PIK3C2A: variants seen among roughly 807,000 people sequenced by gnomAD.
PIK3C2A encodes phosphatidylinositol-4-phosphate 3-kinase catalytic subunit type 2 alpha.
Under a neutral mutation model 204.5 loss-of-function variants are expected in PIK3C2A, and 97 were observed. The observed-to-expected ratio is 0.47, with a 90% confidence interval of 0.40 to 0.56. The LOEUF (loss-of-function observed/expected upper bound fraction) is 0.56, where lower values mean the gene tolerates loss of function less well. Ranked by LOEUF, PIK3C2A falls within the 20% of genes least tolerant of loss-of-function variation. The probability of loss-of-function intolerance (pLI) is 0.00; values close to 1 mark genes in which losing one functional copy is unlikely to be tolerated. For synonymous variants in PIK3C2A, 653 were observed against 664.4 expected (o/e 0.98, Z 0.26); for missense variants, 1,735 against 1,969.2 (o/e 0.88, Z 2.25).
chr11:17,166,721 C>T lies in PIK3C2A; in HGVS notation c.1065+1956G>A, dbSNP rs189571134. On this transcript the variant is annotated intron_variant, in intron 2 of 32. Transcript: ENST00000691414. ...GACTAACTTATCAGAGCCCCAATGT[C>T]TGTCTCCAGGTTCAAGGCAGTTGCC... Among the ~76,000 whole-genome samples, 7 of 152,314 alleles carry T rather than the reference C, an allele frequency of 4.6e-5. No homozygotes were observed. In the East Asian group the frequency reaches 1.2e-3, roughly 25 times the overall value.
chr11:17,120,982 T>A (rs747125209), intron 15 of PIK3C2A, among the ~76,000 whole-genome samples: 20 of 152,094 alleles, frequency 1.3e-4, no homozygotes, highest in Non-Finnish European at 2.1e-4. Flanking sequence ...CCTCCCAAAG[T>A]GCTGAGATTA....
At position 17,136,538 on chromosome 11, in the gene PIK3C2A, C is replaced by G; in HGVS notation, c.1792G>C (p.Glu598Gln). ...LDGVETLAITESVKKLKRAVN... is the reference protein window; with the variant it reads ...LDGVETLAITQSVKKLKRAVN... ...GCTCTCTTTAGCTTCTTTACTGATT[C>G]TGTAATGGCAAGAGTCTCGACACCA... Residue 598 changes from glutamate to glutamine, a missense_variant, in exon 9 of 33, where the codon GAA (glutamate) becomes CAA (glutamine). Transcript: ENST00000691414. The G allele has an allele frequency of 3.1e-6, 5 of 1,607,840 alleles. No homozygotes were observed. The highest frequency in any genetic ancestry group is 4.3e-6 in the Non-Finnish European group (5 of 1,174,602).
At chr11:17,163,890 G>T in intron 2 of PIK3C2A, among the ~76,000 whole-genome samples, 1 of 142,008 alleles carries the variant, frequency 7.0e-6, no homozygotes. Context: ...GAAAATGTAT[G>T]TCCAAAATAC....
At position 17,136,468 on chromosome 11, in the gene PIK3C2A, C is replaced by A; in HGVS notation, c.1848+14G>T. The A allele has an allele frequency of 6.3e-7, 1 of 1,593,950 alleles. No homozygotes were observed. The highest frequency in any genetic ancestry group is 8.6e-7 in the Non-Finnish European group (1 of 1,164,390). On this transcript the variant is annotated intron_variant, in intron 9 of 32. Transcript: ENST00000691414. ...TTTGCATGTAATAAAATCCTAGTTA[C>A]CAAAAATACTCACATCAGCAGTTTT...
At chr11:17,125,579 T>G (rs1849495753) in intron 13 of PIK3C2A, among the ~76,000 whole-genome samples, 1 of 152,026 alleles carries the variant, frequency 6.6e-6, no homozygotes, top group African/African-American at 2.4e-5. Context: ...AGTGGTGCAA[T>G]TTCGCCTCAC....
intron 1 of PIK3C2A, among the ~76,000 whole-genome samples, chr11:17,186,303 T>C (rs1324729288): frequency 6.6e-6 from 1 of 152,092 alleles, no homozygotes; most frequent in Non-Finnish European, 1.5e-5. Context: ...CCTTAGCATT[T>C]ACTACCATCT....
chr11:17,198,588 T>C (rs529235177), intron 1 of PIK3C2A, among the ~76,000 whole-genome samples: 2 of 152,336 alleles, frequency 1.3e-5, no homozygotes, highest in Admixed American at 1.3e-4. Context: ...TTAAAAAATG[T>C]TAACATCACC....
chr11:17,178,107 A>AAAG (rs1231909476), intron 1 of PIK3C2A, among the ~76,000 whole-genome samples: 4 of 96,076 alleles, frequency 4.2e-5, no homozygotes, highest in Non-Finnish European at 8.3e-5. Flanking sequence ...AAAAAAAAAA[A>AAAG]AAAAAGAAAA....
At position 17,119,220 on chromosome 11, in the gene PIK3C2A, T is replaced by C. The variant is rs1407414774; in HGVS notation, c.2940A>G (p.Gln980=). Reference sequence around the variant, plus strand: ...GGAGGTAATCTAGTAAAAAACTCACTTGTACAAACTGTGGAAGAAGATCTG... The same window carrying C: ...GGAGGTAATCTAGTAAAAAACTCACCTGTACAAACTGTGGAAGAAGATCTG... ...ELTDLLPQFV[Q]ALKYEIYLNS... The change falls in exon 17 of 33, where the codon CAA becomes CAG. Residue 980 remains glutamine (Q), a splice_region_variant and synonymous_variant. Coordinates refer to ENST00000691414, the MANE Select transcript of PIK3C2A (RefSeq NM_002645.4). The C allele has an allele frequency of 6.4e-6, 10 of 1,556,284 alleles. 1 individual carries two copies. In the East Asian group the frequency reaches 1.8e-4, roughly 28 times the overall value.
At chr11:17,100,036 G>A in intron 25 of PIK3C2A, 67 bp from the exon 26 acceptor site, 1 of 769,414 alleles carries the variant, frequency 1.3e-6, no homozygotes, top group Admixed American at 2.0e-5. Flanking sequence ...ACTCCTTCCT[G>A]TGGGCTGCTC....
At chr11:17,137,307 C>T (rs906898431) in intron 8 of PIK3C2A, among the ~76,000 whole-genome samples, 1 of 152,086 alleles carries the variant, frequency 6.6e-6, no homozygotes, top group African/African-American at 2.4e-5. Context: ...TTTCTAGCTC[C>T]TCATTTTTGC....
intron 1 of PIK3C2A, among the ~76,000 whole-genome samples, chr11:17,189,837 G>C (rs498708): frequency 1.0e-5 from 1 of 97,620 alleles, no homozygotes; most frequent in African/African-American, 3.2e-5. Flanking sequence ...AAAAAAAAAA[G>C]ATGTCTGGTA....
chr11:17,128,733 T>A (rs1849600609), intron 13 of PIK3C2A, among the ~76,000 whole-genome samples: 1 of 152,206 alleles, frequency 6.6e-6, no homozygotes. Context: ...TCCCAGTGGC[T>A]ATTAACAGAC....
intron 11 of PIK3C2A, among the ~76,000 whole-genome samples, chr11:17,134,174 G>A (rs966265675): frequency 1.8e-4 from 28 of 152,106 alleles, no homozygotes; most frequent in African/African-American, 6.8e-4. Context: ...CATTTTACAA[G>A]ATCAGAATAG....
chr11:17,204,738 CA>C (rs1436440515), intron 1 of PIK3C2A, among the ~76,000 whole-genome samples: 3 of 152,208 alleles, frequency 2.0e-5, no homozygotes, highest in Non-Finnish European at 4.4e-5. Context: ...GGCCCTCCGG[CA>C]CTCTCAGAGC....
At chr11:17,103,948 T>C (rs1042394592) in intron 23 of PIK3C2A, among the ~76,000 whole-genome samples, 3 of 152,198 alleles carry the variant, frequency 2.0e-5, no homozygotes, top group Non-Finnish European at 2.9e-5. Flanking sequence ...CTGCTTTTTT[T>C]CCCCAGATCA....
intron 16 of PIK3C2A, among the ~76,000 whole-genome samples, 197 bp from the exon 17 acceptor site, chr11:17,119,510 A>T (rs1849306652): frequency 6.6e-6 from 1 of 152,232 alleles, no homozygotes; most frequent in African/African-American, 2.4e-5. Flanking sequence ...ATTATTTAGG[A>T]ATCTTAAGTT....
At chr11:17,182,912 T>C (rs564682647) in intron 1 of PIK3C2A, among the ~76,000 whole-genome samples, 5 of 152,326 alleles carry the variant, frequency 3.3e-5, no homozygotes, top group African/African-American at 1.2e-4. Context: ...TGATCACAGT[T>C]CACTGCAGCC....
At position 17,088,772 on chromosome 11, in the gene PIK3C2A, AG is replaced by A. The variant is rs1343829404; in HGVS notation, c.*965del. The A allele has an allele frequency of 6.6e-6, 1 of 152,216 alleles. No homozygotes were observed. The highest frequency in any genetic ancestry group is 6.5e-5 in the Admixed American group (1 of 15,276). The allele number at this position is 152,216 out of a possible 1,614,324, so 9.4% of individuals were successfully genotyped here. A position where few individuals can be genotyped will look rare whatever the true frequency, so the allele number is the denominator to read the frequency against. ...CTCTTGTGAAGAGTCTGCCCTACTC[AG>A]GAATGGGCACATGGGTTAACAATTT... On this transcript the variant is annotated 3_prime_UTR_variant, in exon 33 of 33. Coordinates refer to ENST00000691414, the MANE Select transcript of PIK3C2A (RefSeq NM_002645.4).
Sources: allele counts gnomAD v4.1 joint callset (sites outside exome capture counted in the v4.1 genomes callset), GRCh38; gene constraint gnomAD v4.1.1; transcripts MANE v1.5; gene names NCBI Gene and HGNC (gene_info 2026-07-23, HGNC 2026-07-21).